SPATA31D1: variants seen among roughly 807,000 people sequenced by gnomAD.
The protein encoded by SPATA31D1 is spermatogenesis-associated protein 31D1.
A neutral mutation model predicts 13.2 loss-of-function variants in SPATA31D1; 6 were observed. That is an observed-to-expected ratio of 0.46 (90% confidence interval 0.25 to 0.90). The LOEUF is 0.90. SPATA31D1 is among the 40% of genes least tolerant of loss of function. SPATA31D1 has a pLI of 0.18. For synonymous variants in SPATA31D1, 903 were observed against 718.8 expected, an observed-to-expected ratio of 1.26 and a Z score of -4.10; for missense variants, 2,445 against 1,884.7, an observed-to-expected ratio of 1.30 and a Z score of -5.50.
At chr9:81,989,886 T>C (rs1824918006) in intron 2 of SPATA31D1, 63 bp downstream of exon 2, 1 of 1,553,800 alleles carries the variant, frequency 6.4e-7, no homozygotes, top group Non-Finnish European at 8.8e-7. Flanking sequence ...TCATGATGAC[T>C]CAGTCCCATG....
rs1263028209 is a variant in SPATA31D1 at position 81,994,428 on chromosome 9, AGCCTCCCTGT to A, written c.3959_3968del (p.Ser1320IlefsTer18). The stretch of plus-strand genomic sequence containing the variant: ...GGGGACATCCCAACGCAGGAGAAAG[AGCCTCCCTGT>A]TCATAACAAGACATCAGGGGAGGTG... On this transcript the variant is annotated frameshift_variant, in exon 4 of 4. Transcript: ENST00000344803. LOFTEE classifies it low-confidence loss of function (END_TRUNC). The A allele has an allele frequency of 1.9e-6, 3 of 1,613,654 alleles. No individual in the cohort carries two copies. In the African/African-American group the frequency reaches 4.0e-5, roughly 22 times the overall value.
In SPATA31D1 at chr9:81,991,065, A is replaced by G; in HGVS notation, c.595A>G (p.Ile199Val). 3 of 1,613,272 alleles carry G rather than the reference A, an allele frequency of 1.9e-6. No individual in the cohort carries two copies. The highest frequency in any genetic ancestry group is 1.7e-4 in the Middle Eastern group (1 of 6,054). ...RPKASPPPPLILSPDLITTLA... is the reference protein window; with the variant it reads ...RPKASPPPPLVLSPDLITTLA... ...TAAGGCCTCTCCACCACCCCCCTTAATTCTCTCACCTGACCTGATCACCAC... is the reference window on the plus strand; with the variant it reads ...TAAGGCCTCTCCACCACCCCCCTTAGTTCTCTCACCTGACCTGATCACCAC... Residue 199 changes from isoleucine (I) to valine (V), a missense_variant, in exon 4 of 4, where the codon ATT (isoleucine) becomes GTT (valine). Ile to Val is a conservative substitution (Grantham distance 29). Coordinates refer to ENST00000344803, the MANE Select transcript of SPATA31D1 (RefSeq NM_001001670.3).
Position 81,992,315 on chromosome 9 carries a change from T to C in SPATA31D1, c.1845T>C (p.Ser615=), listed in dbSNP as rs1824989150. Residue 615 remains serine (S), a synonymous_variant, in exon 4 of 4, where the codon TCT becomes TCC. Transcript: ENST00000344803. ...CFHRPQNEAR[S]LLPSEINHLE... ...ATAGACCCCAGAACGAGGCACGGTC[T>C]CTTTTGCCATCTGAAATTAACCATC... 1 of 1,613,722 alleles carries C rather than the reference T, an allele frequency of 6.2e-7. No individual in the cohort carries two copies. Among genetic ancestry groups the C allele is most frequent in the African/African-American group, 1.3e-5 (1 of 74,928 alleles).
At position 81,988,798 on chromosome 9, in the gene SPATA31D1, G is replaced by C. The variant is rs754672793; in HGVS notation, c.-21G>C. 1 of 1,611,956 alleles carries C rather than the reference G, an allele frequency of 6.2e-7. No individual in the cohort carries two copies. Among genetic ancestry groups the C allele is most frequent in the African/African-American group, 1.3e-5 (1 of 74,848 alleles). On this transcript the variant is annotated 5_prime_UTR_variant, in exon 1 of 4. Coordinates refer to ENST00000344803, the MANE Select transcript of SPATA31D1 (RefSeq NM_001001670.3). ...GCACCCTCAGTGCTCAGTTGCTTCA[G>C]GCAGCTGAGCTATTCAGACCATGGA...
At position 81,992,118 on chromosome 9, in the gene SPATA31D1, C is replaced by T; in HGVS notation, c.1648C>T (p.Pro550Ser). The T allele has an allele frequency of 2.5e-6, 4 of 1,613,776 alleles. No individual in the cohort carries two copies. The highest frequency in any genetic ancestry group is 2.5e-6 in the Non-Finnish European group (3 of 1,179,726). The change falls in exon 4 of 4, where the codon CCC (proline) becomes TCC (serine). Residue 550 changes from proline (P) to serine (S), a missense_variant. By Grantham distance (74) the Pro-to-Ser change is moderately conservative. Coordinates refer to ENST00000344803, the MANE Select transcript of SPATA31D1 (RefSeq NM_001001670.3). ...CCATGAATCCCCAGTACTTCCCCCT[C>T]CCCAACCTCTGTCCTTGCCTAGTAC... ...ISHESPVLPP[P>S]QPLSLPSTQP...
rs1305453496 is a variant in SPATA31D1 at position 81,992,793 on chromosome 9, T to C, written c.2323T>C (p.Tyr775His). ...SMENVGNYQGYSQETVPKDHL... is the reference protein window; with the variant it reads ...SMENVGNYQGHSQETVPKDHL... ...GGAGAATGTGGGGAATTATCAGGGA[T>C]ACAGCCAGGAGACTGTCCCAAAAGA... Residue 775 changes from tyrosine to histidine, a missense_variant, in exon 4 of 4, where the codon TAC (tyrosine) becomes CAC (histidine). Tyr to His is a moderately conservative substitution (Grantham distance 83, BLOSUM62 2). Transcript: ENST00000344803. 6.2e-7 allele frequency: 1 copy of C among 1,613,790 alleles called. No homozygotes were observed. The highest frequency in any genetic ancestry group is 1.7e-5 in the Admixed American group (1 of 60,012).
In SPATA31D1 at chr9:81,994,994, G is replaced by A. The variant is rs754078550; in HGVS notation, c.4524G>A (p.Lys1508=). The change falls in exon 4 of 4, where the codon AAG becomes AAA. Residue 1508 remains lysine, a synonymous_variant. Transcript: ENST00000344803. ...QPQKVEAFKG[K]ILCQSHPQSM... Reference sequence around the variant, plus strand: ...AGAAAGTTGAGGCATTTAAGGGGAAGATACTGTGTCAAAGCCATCCCCAAT... The same window carrying A: ...AGAAAGTTGAGGCATTTAAGGGGAAAATACTGTGTCAAAGCCATCCCCAAT... The A allele has an allele frequency of 1.2e-6, 2 of 1,613,998 alleles. No individual in the cohort carries two copies. The highest frequency in any genetic ancestry group is 3.3e-5 in the Admixed American group (2 of 60,024).
chr9:81,994,596 G>A lies in SPATA31D1; in HGVS notation c.4126G>A (p.Glu1376Lys), dbSNP rs1355645245. Residue 1376 changes from glutamate to lysine, a missense_variant, in exon 4 of 4, where the codon GAA (glutamate) becomes AAA (lysine). Coordinates refer to ENST00000344803, the MANE Select transcript of SPATA31D1 (RefSeq NM_001001670.3). ...ATATGAAGAACAAGAAAGTTCCTGGGAAAAGGGTAGCTCCCTGTCATCATG... is the reference window on the plus strand; with the variant it reads ...ATATGAAGAACAAGAAAGTTCCTGGAAAAAGGGTAGCTCCCTGTCATCATG... The part of the protein sequence containing the change: ...ISYEEQESSW[E>K]KGSSLSSCVQ... 6.2e-7 allele frequency: 1 copy of A among 1,612,706 alleles called. No individual in the cohort carries two copies.
In SPATA31D1 at chr9:81,994,934, G is replaced by A. The variant is rs1461895311; in HGVS notation, c.4464G>A (p.Arg1488=). ...TTGTTGGCCAGAATTATCCTACAAGGATTAGACAGATCATAGACAAGGACA... is the reference window on the plus strand; with the variant it reads ...TTGTTGGCCAGAATTATCCTACAAGAATTAGACAGATCATAGACAAGGACA... The part of the protein sequence containing the change: ...AIFVGQNYPT[R]IRQIIDKDRQ... The change falls in exon 4 of 4, where the codon AGG becomes AGA. Residue 1488 remains arginine, a synonymous_variant. Transcript: ENST00000344803. 33 of 1,613,854 alleles carry A rather than the reference G, an allele frequency of 2.0e-5. No individual in the cohort carries two copies. Among genetic ancestry groups the A allele is most frequent in the Non-Finnish European group, 2.7e-5 (32 of 1,179,888 alleles).
chr9:81,995,212 G>A lies in SPATA31D1; in HGVS notation c.*11G>A. On this transcript the variant is annotated 3_prime_UTR_variant, in exon 4 of 4. Transcript: ENST00000344803. ...CCCCCCACAAAATAATTCACTCCTT[G>A]TTGAGAATCTTGATTCTCCCCAATA... 2 of 1,495,430 alleles carry A rather than the reference G, an allele frequency of 1.3e-6. No homozygotes were observed. The highest frequency in any genetic ancestry group is 2.8e-5 in the African/African-American group (2 of 71,566). 92.6% of individuals were successfully genotyped at this position (1,495,430 alleles called of 1,614,324 possible).
Position 81,988,783 on chromosome 9 carries a change from T to C in SPATA31D1, c.-36T>C. 2 of 1,611,948 alleles carry C rather than the reference T, an allele frequency of 1.2e-6. No individual in the cohort carries two copies. Among genetic ancestry groups the C allele is most frequent in the Non-Finnish European group, 1.7e-6 (2 of 1,179,658 alleles). On this transcript the variant is annotated 5_prime_UTR_variant, in exon 1 of 4. Coordinates refer to ENST00000344803, the MANE Select transcript of SPATA31D1 (RefSeq NM_001001670.3). ...TATAGTTAAGCCTGGGCACCCTCAG[T>C]GCTCAGTTGCTTCAGGCAGCTGAGC...
In SPATA31D1 at chr9:81,994,902, G is replaced by A. The variant is rs1291754209; in HGVS notation, c.4432G>A (p.Ala1478Thr). 1.2e-6 allele frequency: 2 copies of A among 1,613,844 alleles called. No individual in the cohort carries two copies. The highest frequency in any genetic ancestry group is 1.3e-5 in the African/African-American group (1 of 74,906). Residue 1478 changes from alanine to threonine, a missense_variant, in exon 4 of 4, where the codon GCT becomes ACT. Ala to Thr is a moderately conservative substitution (Grantham distance 58, BLOSUM62 0). Transcript: ENST00000344803. ...ACGTACCAAATCTTGCAGCCAACAA[G>A]CTATCTTTGTTGGCCAGAATTATCC... The part of the protein sequence containing the change: ...VTRTKSCSQQ[A>T]IFVGQNYPTR...
At position 81,992,066 on chromosome 9, in the gene SPATA31D1, C is replaced by T. The variant is rs1824980048; in HGVS notation, c.1596C>T (p.Phe532=). The T allele has an allele frequency of 2.5e-6, 4 of 1,613,654 alleles. No individual in the cohort carries two copies. The South Asian group carries it at 4.4e-5, about 18-fold the overall frequency. ...QRGHSSMFVF[F]NGITNTSISH... is the part of the protein sequence containing the mutation. ...GCCATTCCTCCATGTTTGTATTCTT[C>T]AATGGCATTACAAATACATCTATAT... Residue 532 remains phenylalanine (F), a synonymous_variant, in exon 4 of 4, where the codon TTC becomes TTT. Transcript: ENST00000344803.
rs368739177 is a variant in SPATA31D1 at position 81,992,424 on chromosome 9, C to T, written c.1954C>T (p.Pro652Ser). ...VVQKSQEDFC[P>S]PAPNPELVRK... ...TCAAAAATCCCAGGAAGACTTTTGT[C>T]CTCCAGCTCCCAATCCTGAATTGGT... Residue 652 changes from proline (P) to serine (S), a missense_variant, in exon 4 of 4, where the codon CCT becomes TCT. Transcript: ENST00000344803. 1.9e-5 allele frequency: 30 copies of T among 1,613,010 alleles called. No homozygotes were observed. The highest frequency in any genetic ancestry group is 4.0e-5 in the African/African-American group (3 of 74,910).
At position 81,992,618 on chromosome 9, in the gene SPATA31D1, G is replaced by C; in HGVS notation, c.2148G>C (p.Gln716His). The C allele has an allele frequency of 1.2e-6, 2 of 1,613,352 alleles. No homozygotes were observed. The highest frequency in any genetic ancestry group is 1.7e-6 in the Non-Finnish European group (2 of 1,179,734). ...IHESLSLLRP[Q>H]SKISELSVSE... The stretch of plus-strand genomic sequence containing the variant: ...AGTCTCTGTCATTGCTACGTCCTCA[G>C]AGCAAAATTTCAGAGCTATCTGTGT... The change falls in exon 4 of 4, where the codon CAG becomes CAC. Residue 716 changes from glutamine (Q) to histidine (H), a missense_variant. Gln to His is a conservative substitution (Grantham distance 24, BLOSUM62 0). Transcript: ENST00000344803.
chr9:81,994,303 T>C lies in SPATA31D1; in HGVS notation c.3833T>C (p.Val1278Ala). 6.2e-7 allele frequency: 1 copy of C among 1,613,938 alleles called. No homozygotes were observed. Among genetic ancestry groups the C allele is most frequent in the African/African-American group, 1.3e-5 (1 of 75,028 alleles). ...CAGGAGCCCAGGGTCCCTACCTGTGTCTTACAGAAGTGTCAAGTTACGAAT... is the reference window on the plus strand; with the variant it reads ...CAGGAGCCCAGGGTCCCTACCTGTGCCTTACAGAAGTGTCAAGTTACGAAT... Reference protein sequence around the residue: ...QKQEPRVPTCVLQKCQVTNFP... With the variant: ...QKQEPRVPTCALQKCQVTNFP... Residue 1278 changes from valine (V) to alanine (A), a missense_variant, in exon 4 of 4, where the codon GTC becomes GCC. Transcript: ENST00000344803.
chr9:81,988,715 A>G, upstream of SPATA31D1: 5 of 1,568,848 alleles, frequency 3.2e-6, no homozygotes, highest in Non-Finnish European at 4.3e-6. Flanking sequence ...ACCCTTAGAA[A>G]CCTTCTGTGA....
chr9:81,994,358 T>G lies in SPATA31D1; in HGVS notation c.3888T>G (p.Pro1296=). 1 of 1,613,920 alleles carries G rather than the reference T, an allele frequency of 6.2e-7. No individual in the cohort carries two copies. The highest frequency in any genetic ancestry group is 8.5e-7 in the Non-Finnish European group (1 of 1,179,852). ...CACCAGCTGTAAACAGAGTGAGTCC[T>G]GTGAGACCCAAAGGAGGAGAGCTTG... is the stretch of plus-strand genomic sequence containing the variant. ...NFPPAVNRVS[P]VRPKGGELDG... The change falls in exon 4 of 4, where the codon CCT becomes CCG. Residue 1296 remains proline, a synonymous_variant. Transcript: ENST00000344803.
chr9:81,990,793 G>C lies in SPATA31D1; in HGVS notation c.323G>C (p.Cys108Ser). Residue 108 changes from cysteine (C) to serine (S), a missense_variant, in exon 4 of 4, where the codon TGC (cysteine) becomes TCC (serine). Transcript: ENST00000344803. ...LLKSFGPPVSCSPRGQHHDTN... is the reference protein window; with the variant it reads ...LLKSFGPPVSSSPRGQHHDTN... The stretch of plus-strand genomic sequence containing the variant: ...TGCAGCTTTGGACCTCCTGTTTCCT[G>C]CAGTCCTCGGGGCCAGCATCATGAT... 1.2e-6 allele frequency: 2 copies of C among 1,611,784 alleles called. No homozygotes were observed. Among genetic ancestry groups the C allele is most frequent in the Middle Eastern group, 1.7e-4 (1 of 6,060 alleles).
Sources: gnomAD v4.1 joint callset for allele counts on GRCh38, gnomAD v4.1.1 for gene constraint, MANE v1.5 for transcripts, NCBI Gene and HGNC (gene_info 2026-07-23, HGNC 2026-07-21) for gene names.